The following STK32B variants were observed in gnomAD, a reference collection of about 807,000 sequenced individuals.
STK32B encodes the protein serine/threonine kinase 32B.
STK32B carries 43 observed loss-of-function variants against 52.6 expected under a neutral mutation model. The ratio of observed to expected loss-of-function variants is 0.82; its 90% confidence interval spans 0.64 to 1.05. STK32B has a LOEUF of 1.05. Among genes scored for constraint, STK32B ranks in the 50% least tolerant of loss-of-function variants. The probability of loss-of-function intolerance (pLI) is 0.00; values close to 1 mark genes in which losing one functional copy is unlikely to be tolerated. For synonymous variants in STK32B, 238 were observed against 204.3 expected, an observed-to-expected ratio of 1.17 and a Z score of -1.41; for missense variants, 621 against 534.6, an observed-to-expected ratio of 1.16 and a Z score of -1.59.
Position 5,453,675 on chromosome 4 carries a change from G to A in STK32B, c.667-3132G>A, listed in dbSNP as rs181884105. Among the ~76,000 whole-genome samples the A allele has an allele frequency of 1.1e-4, 17 of 152,234 alleles. No homozygotes were observed. Among genetic ancestry groups the A allele is most frequent in the South Asian group, 4.1e-4 (2 of 4,824 alleles). On this transcript the variant is annotated intron_variant, in intron 7 of 11. Transcript: ENST00000282908. This position sits in a 1 kb window ranked among gnomAD's most constrained non-coding sequence, Gnocchi z 4.0. Reference sequence around the variant, plus strand: ...TCCCAGCACTCTGGGAGGCTGAGACGGGCAGATCACCTGAGGTGAGGAGTT... The same window carrying A: ...TCCCAGCACTCTGGGAGGCTGAGACAGGCAGATCACCTGAGGTGAGGAGTT...
At chr4:5,375,871 A>G (rs554254809) in intron 4 of STK32B, among the ~76,000 whole-genome samples, 1 of 152,292 alleles carries the variant, frequency 6.6e-6, no homozygotes, top group South Asian at 2.1e-4. Flanking sequence ...CCTCTGTGGG[A>G]TGATGAGGAG....
rs114225571 is a variant in STK32B, at chr4:5,401,870, C to T, written c.472+3626C>T. ...CATCCTGGGGTTGAGGGACTCTAGG[C>T]TGGGCTTGGCTGATCTTGGCTGGGC... On this transcript the variant is annotated intron_variant, in intron 5 of 11. Transcript: ENST00000282908. 9.4e-3 allele frequency among the ~76,000 whole-genome samples: 1,425 copies of T among 152,298 alleles called. 25 individuals are homozygous for T. The highest frequency in any genetic ancestry group is 0.027 in the African/African-American group (1,131 of 41,552).
intron 1 of STK32B, among the ~76,000 whole-genome samples, chr4:5,064,228 A>G (rs576767507): frequency 2.1e-5 from 3 of 145,134 alleles, no homozygotes; most frequent in Non-Finnish European, 4.5e-5. Context: ...ATGCATAAAT[A>G]TGTATATTTA....
In STK32B at chr4:5,051,997, C is replaced by A. The variant is rs1393507558; in HGVS notation, c.52+82C>A. 14 of 1,539,400 alleles carry A rather than the reference C, an allele frequency of 9.1e-6. No homozygotes were observed. The African/African-American group carries it at 1.2e-4, about 14-fold the overall frequency. On this transcript the variant is annotated intron_variant, in intron 1 of 11. Coordinates refer to ENST00000282908, the MANE Select transcript of STK32B (RefSeq NM_018401.3). ...CCCTCGGCCGAGCCCTGCGGGGCAC[C>A]GCATGCTGCCCGGCGCGGGGACCCA...
intron 3 of STK32B, among the ~76,000 whole-genome samples, chr4:5,330,358 G>T (rs1732150715): frequency 6.6e-6 from 1 of 152,182 alleles, no homozygotes; most frequent in East Asian, 1.9e-4. Context: ...GATTCTATGT[G>T]TTGGCTCTTC....
intron 9 of STK32B, among the ~76,000 whole-genome samples, chr4:5,465,238 G>A (rs1325663101): frequency 2.6e-5 from 4 of 152,116 alleles, no homozygotes; most frequent in Non-Finnish European, 5.9e-5. Context: ...GCAGGGGCTG[G>A]GCTAGGAGCT....
In STK32B at chr4:5,316,381, T is replaced by TATATATAATATATTACATATATA. The variant is rs1313108703; in HGVS notation, c.261-14825_261-14803dup. 1.9e-3 allele frequency among the ~76,000 whole-genome samples: 78 copies of TATATATAATATATTACATATATA among 41,108 alleles called. 5 individuals are homozygous for TATATATAATATATTACATATATA. Among genetic ancestry groups the TATATATAATATATTACATATATA allele is most frequent in the Middle Eastern group, 0.031 (1 of 32 alleles). 27.0% of individuals were successfully genotyped at this position (41,108 alleles called of 152,430 possible). ...TTATATATATTATATATATTAATTA[T>TATATATAATATATTACATATATA]ATATATAATATATTACATATATAAT... On this transcript the variant is annotated intron_variant, in intron 3 of 11. Transcript: ENST00000282908.
At chr4:5,197,942 G>GTT (rs369705305) in intron 3 of STK32B, among the ~76,000 whole-genome samples, 4 of 150,146 alleles carry the variant, frequency 2.7e-5, no homozygotes, top group African/African-American at 7.4e-5. Flanking sequence ...GTTTTCTGTT[G>GTT]TTTTTTTTTC....
At chr4:5,498,327 A>G (rs943766628) in intron 11 of STK32B, among the ~76,000 whole-genome samples, 2 of 152,228 alleles carry the variant, frequency 1.3e-5, no homozygotes, top group African/African-American at 4.8e-5. Context: ...CTGCTAGGAA[A>G]TGCAATGTTC....
At chr4:5,339,338 G>A (rs1321955284) in intron 4 of STK32B, among the ~76,000 whole-genome samples, 1 of 152,124 alleles carries the variant, frequency 6.6e-6, no homozygotes. Flanking sequence ...GGAGAACCCT[G>A]ACTACTGCAG....
chr4:5,300,321 C>T (rs1415940765), intron 3 of STK32B, among the ~76,000 whole-genome samples: 3 of 152,156 alleles, frequency 2.0e-5, no homozygotes, highest in African/African-American at 7.2e-5. Flanking sequence ...CTACAGCCAA[C>T]ATCATACTGA....
rs745779568 is a variant in STK32B, at chr4:5,299,165, C to T, written c.261-32055C>T. Among the ~76,000 whole-genome samples the T allele has an allele frequency of 3.8e-4, 57 of 151,918 alleles. 1 individual carries two copies. Among genetic ancestry groups the T allele is most frequent in the Admixed American group, 1.8e-3 (28 of 15,248 alleles). ...AGTTCCAGTGAGATGAACTGGGTAC[C>T]TCAGTTGGAAATGCAGAAATTACCC... On this transcript the variant is annotated intron_variant, in intron 3 of 11. Coordinates refer to ENST00000282908, the MANE Select transcript of STK32B (RefSeq NM_018401.3).
At chr4:5,312,714 C>T (rs1226000545) in intron 3 of STK32B, among the ~76,000 whole-genome samples, 2 of 151,752 alleles carry the variant, frequency 1.3e-5, no homozygotes, top group African/African-American at 2.4e-5. Context: ...GGTTCCAAGT[C>T]TTTGCTATTG....
chr4:5,476,707 CAG>C (rs1486044687), intron 11 of STK32B, among the ~76,000 whole-genome samples: 1 of 151,890 alleles, frequency 6.6e-6, no homozygotes, highest in Non-Finnish European at 1.5e-5. Flanking sequence ...TATTTGGAAA[CAG>C]GGTTTTTGCA....
chr4:5,107,298 T>C (rs1029752448), intron 1 of STK32B, among the ~76,000 whole-genome samples: 4 of 152,136 alleles, frequency 2.6e-5, no homozygotes, highest in Non-Finnish European at 5.9e-5. Context: ...CTCCCACTGA[T>C]CATTATGGTG....
intron 3 of STK32B, among the ~76,000 whole-genome samples, chr4:5,176,241 G>T (rs572235174): frequency 2.6e-5 from 4 of 152,298 alleles, no homozygotes; most frequent in African/African-American, 9.6e-5. Flanking sequence ...CTGACCCGTT[G>T]CACTTCCCAG....
chr4:5,186,917 G>A (rs1720787837), intron 3 of STK32B, among the ~76,000 whole-genome samples: 2 of 152,226 alleles, frequency 1.3e-5, no homozygotes, highest in Non-Finnish European at 2.9e-5. Context: ...TCAGGGGGCA[G>A]GATTGGCAGC....
At chr4:5,488,445 C>CT (rs558113648) in intron 11 of STK32B, among the ~76,000 whole-genome samples, 4 of 151,502 alleles carry the variant, frequency 2.6e-5, no homozygotes, top group African/African-American at 9.7e-5. Flanking sequence ...ATATAGGGAA[C>CT]TTTTTTTTTA....
intron 7 of STK32B, among the ~76,000 whole-genome samples, chr4:5,448,824 T>G (rs957003450): frequency 6.6e-6 from 1 of 152,216 alleles, no homozygotes; most frequent in Non-Finnish European, 1.5e-5. Context: ...ACTGGCTGCT[T>G]CTTTGACCCA....
Sources: allele counts gnomAD v4.1 joint callset (sites outside exome capture counted in the v4.1 genomes callset), GRCh38; gene constraint gnomAD v4.1.1; non-coding constraint Gnocchi (gnomAD v3.1); transcripts MANE v1.5; gene names NCBI Gene and HGNC (gene_info 2026-07-23, HGNC 2026-07-21).